Variants in DLGAP2 observed in about 807,000 individuals in gnomAD.
DLGAP2 encodes the protein disks large-associated protein 2.
In DLGAP2, 26 loss-of-function variants were observed where a neutral mutation model predicts 100.3. The observed-to-expected ratio is 0.26, with a 90% CI of 0.19 to 0.36. The LOEUF (loss-of-function observed/expected upper bound fraction) is 0.36. DLGAP2 is among the 10% of genes least tolerant of loss of function. DLGAP2 has a pLI of 1.00. For synonymous variants in DLGAP2, 886 were observed against 630.1 expected (o/e 1.41, Z -6.08); for missense variants, 1,858 against 1,453.2 (o/e 1.28, Z -4.53).
chr8:1,187,290 A>G (rs1797526030), intron 2 of DLGAP2, among the ~76,000 whole-genome samples: 1 of 150,072 alleles, frequency 6.7e-6, no homozygotes. Context: ...GTCTCATGGA[A>G]TCTCACATGC....
chr8:1,645,893 C>A (rs1295409371), intron 8 of DLGAP2, among the ~76,000 whole-genome samples: 1 of 152,134 alleles, frequency 6.6e-6, no homozygotes, highest in Non-Finnish European at 1.5e-5. Context: ...GGGGAGTGGA[C>A]GTCTTGCTCC....
intron 3 of DLGAP2, among the ~76,000 whole-genome samples, chr8:1,317,603 G>A (rs1373963514): frequency 7.0e-6 from 1 of 142,282 alleles, no homozygotes; most frequent in Non-Finnish European, 1.5e-5. Flanking sequence ...CAGGCTGTGC[G>A]AGTGCAGCGT....
chr8:1,221,248 C>G lies in DLGAP2; in HGVS notation c.74-37603C>G, dbSNP rs183926112. 1.2e-4 allele frequency among the ~76,000 whole-genome samples: 19 copies of G among 152,280 alleles called. No homozygotes were observed. The East Asian group carries it at 2.7e-3, about 22-fold the overall frequency. ...GGTGGCAGATAAGGGTCTTTCATGT[C>G]CATGTCTACCAGTCCCTTTAGGACC... On this transcript the variant is annotated intron_variant, in intron 2 of 14. Coordinates refer to ENST00000637795, the MANE Select transcript of DLGAP2 (RefSeq NM_001346810.2).
At chr8:1,192,851 T>C (rs536898243) in intron 2 of DLGAP2, among the ~76,000 whole-genome samples, 2 of 151,156 alleles carry the variant, frequency 1.3e-5, no homozygotes, top group African/African-American at 4.9e-5. Context: ...GGCCCTGGTG[T>C]GTGATGCTCC....
intron 2 of DLGAP2, among the ~76,000 whole-genome samples, chr8:1,144,530 C>G (rs1408035514): frequency 6.6e-6 from 1 of 152,218 alleles, no homozygotes; most frequent in Non-Finnish European, 1.5e-5. Flanking sequence ...CTTGCTTTGT[C>G]TGTCTCCATC....
At chr8:1,293,837 C>T (rs1443527429) in intron 3 of DLGAP2, among the ~76,000 whole-genome samples, 4 of 151,552 alleles carry the variant, frequency 2.6e-5, no homozygotes, top group Non-Finnish European at 4.4e-5. Flanking sequence ...TTCTTTCTAT[C>T]TGTTATTCTT....
intron 4 of DLGAP2, among the ~76,000 whole-genome samples, chr8:1,502,118 G>A (rs997797077): frequency 3.3e-5 from 5 of 152,198 alleles, no homozygotes; most frequent in South Asian, 2.1e-4. Flanking sequence ...GCTGAAGACG[G>A]AAGCCCCATC....
Position 1,676,657 on chromosome 8 carries a change from G to A in DLGAP2, c.2288+39G>A, listed in dbSNP as rs776279542. The A allele has an allele frequency of 1.6e-5, 25 of 1,578,014 alleles. No individual in the cohort carries two copies. The Middle Eastern group carries it at 5.1e-4, about 32-fold the overall frequency. ...TCCTGACACGCGGTGACCCCCGAGC[G>A]AGGGCTCTTTGTCAAAGGCCTGATG... On this transcript the variant is annotated intron_variant, in intron 11 of 14. Coordinates refer to ENST00000637795, the MANE Select transcript of DLGAP2 (RefSeq NM_001346810.2).
At chr8:1,596,531 T>C (rs1295330582) in intron 6 of DLGAP2, among the ~76,000 whole-genome samples, 1 of 152,166 alleles carries the variant, frequency 6.6e-6, no homozygotes, top group Non-Finnish European at 1.5e-5. Flanking sequence ...ATCTCCAACA[T>C]CTGTTGTTTC....
chr8:1,057,496 A>C (rs1337779415), intron 2 of DLGAP2, among the ~76,000 whole-genome samples: 1 of 152,230 alleles, frequency 6.6e-6, no homozygotes, highest in Non-Finnish European at 1.5e-5. Context: ...TATAAATGGC[A>C]TTGCCTAAGA....
intron 3 of DLGAP2, among the ~76,000 whole-genome samples, chr8:1,479,475 A>G (rs374742791): frequency 1.4e-4 from 21 of 152,318 alleles, no homozygotes; most frequent in African/African-American, 4.8e-4. Context: ...TTAATTGCAA[A>G]TGGACATCTG....
intron 2 of DLGAP2, among the ~76,000 whole-genome samples, chr8:1,239,917 A>G (rs1477204160): frequency 1.5e-5 from 2 of 129,710 alleles, no homozygotes; most frequent in South Asian, 2.9e-4. Context: ...GTTCTCTCAC[A>G]TGGCACCGTG....
intron 2 of DLGAP2, among the ~76,000 whole-genome samples, chr8:1,128,930 G>C (rs758906797): frequency 6.6e-6 from 1 of 152,162 alleles, no homozygotes; most frequent in Non-Finnish European, 1.5e-5. Context: ...CCATGAGGCA[G>C]GGTGGCCGGT....
intron 1 of DLGAP2, among the ~76,000 whole-genome samples, chr8:790,345 A>G (rs1265329164): frequency 1.3e-5 from 2 of 152,200 alleles, no homozygotes; most frequent in Non-Finnish European, 2.9e-5. Flanking sequence ...CTTGGAGATG[A>G]CGTAACCAAA....
At chr8:1,249,935 C>T (rs969511632) in intron 2 of DLGAP2, among the ~76,000 whole-genome samples, 4 of 152,104 alleles carry the variant, frequency 2.6e-5, no homozygotes, top group Non-Finnish European at 5.9e-5. Context: ...GGCTGGAGTG[C>T]AGTGGCGTGA....
chr8:1,602,123 A>G (rs1033323665), intron 6 of DLGAP2, among the ~76,000 whole-genome samples: 1 of 152,334 alleles, frequency 6.6e-6, no homozygotes, highest in East Asian at 1.9e-4. Context: ...TGAATGAGAG[A>G]GTGAGTGAAT....
chr8:988,277 T>C (rs536533996), intron 2 of DLGAP2, among the ~76,000 whole-genome samples: 1 of 152,232 alleles, frequency 6.6e-6, no homozygotes, highest in Non-Finnish European at 1.5e-5. Flanking sequence ...GTGTGCATTT[T>C]AAAAAGCAAA....
At chr8:1,254,118 C>G (rs574418678) in intron 2 of DLGAP2, among the ~76,000 whole-genome samples, 1 of 152,212 alleles carries the variant, frequency 6.6e-6, no homozygotes, top group Non-Finnish European at 1.5e-5. Flanking sequence ...CCAAGTTGAA[C>G]CCAGTGTGCC....
chr8:1,117,423 G>T (rs1805152766), intron 2 of DLGAP2, among the ~76,000 whole-genome samples: 1 of 152,230 alleles, frequency 6.6e-6, no homozygotes, highest in Non-Finnish European at 1.5e-5. Context: ...GGGTGATCAA[G>T]TGTCAGATTC....
Sources: allele counts gnomAD v4.1 joint callset (sites outside exome capture counted in the v4.1 genomes callset), GRCh38; gene constraint gnomAD v4.1.1; transcripts MANE v1.5; gene names NCBI Gene and HGNC (gene_info 2026-07-23, HGNC 2026-07-21).